FBXL17: variants seen among roughly 807,000 people sequenced by gnomAD.
FBXL17 encodes the protein F-box/LRR-repeat protein 17.
Under a neutral mutation model 66.2 loss-of-function variants are expected in FBXL17, and 22 were observed. The observed-to-expected ratio is 0.33, with a 90% CI of 0.24 to 0.47. FBXL17 has a LOEUF of 0.47. Ranked by LOEUF, FBXL17 falls within the 20% of genes least tolerant of loss-of-function variation. The pLI, the probability that FBXL17 is intolerant of heterozygous loss-of-function variation, is 1.00. For missense variants in FBXL17, 878 were observed against 948.2 expected, an observed-to-expected ratio of 0.93 and a Z score of 0.97; for synonymous variants, 474 against 400.5, an observed-to-expected ratio of 1.18 and a Z score of -2.19.
intron 6 of FBXL17, among the ~76,000 whole-genome samples, chr5:108,026,100 A>G (rs1754812110): frequency 1.3e-5 from 2 of 152,214 alleles, no homozygotes; most frequent in African/African-American, 4.8e-5. Context: ...CTTTTACAAG[A>G]TGAGTCAATT....
intron 7 of FBXL17, among the ~76,000 whole-genome samples, chr5:107,970,290 A>G (rs1391195780): frequency 6.6e-6 from 1 of 152,170 alleles, no homozygotes; most frequent in Non-Finnish European, 1.5e-5. Flanking sequence ...CTTAGGTAAT[A>G]TAACTGAGAG....
intron 4 of FBXL17, among the ~76,000 whole-genome samples, chr5:108,268,778 T>C (rs776129995): frequency 6.6e-6 from 1 of 152,108 alleles, no homozygotes; most frequent in Non-Finnish European, 1.5e-5. Flanking sequence ...CCTTGGAATG[T>C]ATTCTTCAGG....
chr5:108,140,990 A>C (rs770752869), intron 6 of FBXL17, among the ~76,000 whole-genome samples: 8 of 152,020 alleles, frequency 5.3e-5, no homozygotes, highest in Admixed American at 1.3e-4. Flanking sequence ...TAACTTTCTT[A>C]CATCTTGATA....
chr5:108,186,644 C>T (rs1295482135), intron 5 of FBXL17, among the ~76,000 whole-genome samples: 1 of 151,894 alleles, frequency 6.6e-6, no homozygotes, highest in Non-Finnish European at 1.5e-5. Flanking sequence ...GTGGTGCATC[C>T]CTGTAATCCC....
intron 6 of FBXL17, among the ~76,000 whole-genome samples, chr5:108,156,578 AT>A (rs1359826468): frequency 6.6e-6 from 1 of 151,966 alleles, no homozygotes; most frequent in Non-Finnish European, 1.5e-5. Context: ...TTAGCATCCT[AT>A]TAGGAATCAA....
chr5:107,911,382 C>T (rs1399983337), intron 7 of FBXL17, among the ~76,000 whole-genome samples: 1 of 152,062 alleles, frequency 6.6e-6, no homozygotes. Context: ...GGACTAAAGA[C>T]TTAAACCTTA....
At chr5:108,024,302 T>TA (rs1754711722) in intron 6 of FBXL17, among the ~76,000 whole-genome samples, 1 of 152,156 alleles carries the variant, frequency 6.6e-6, no homozygotes, top group African/African-American at 2.4e-5. Flanking sequence ...ACTTTTAAAG[T>TA]AGCTCATGAA....
intron 6 of FBXL17, among the ~76,000 whole-genome samples, chr5:108,089,638 T>C (rs1032917787): frequency 6.6e-6 from 1 of 152,182 alleles, no homozygotes; most frequent in African/African-American, 2.4e-5. Context: ...AACCTCCTTC[T>C]TCCCCATAGA....
At chr5:108,258,138 A>C (rs1454590667) in intron 4 of FBXL17, among the ~76,000 whole-genome samples, 1 of 152,148 alleles carries the variant, frequency 6.6e-6, no homozygotes, top group African/African-American at 2.4e-5. Flanking sequence ...GGGTCTTTGG[A>C]ATGTAATTAA....
intron 7 of FBXL17, among the ~76,000 whole-genome samples, chr5:108,018,844 A>C (rs994128659): frequency 6.6e-6 from 1 of 152,182 alleles, no homozygotes; most frequent in African/African-American, 2.4e-5. Flanking sequence ...CAAGTTTTAC[A>C]AAATGACTGG....
intron 6 of FBXL17, among the ~76,000 whole-genome samples, chr5:108,069,523 T>G (rs1237082246): frequency 6.6e-6 from 1 of 152,150 alleles, no homozygotes; most frequent in African/African-American, 2.4e-5. Flanking sequence ...AGGCCAACAG[T>G]AGGCATAAAT....
intron 7 of FBXL17, among the ~76,000 whole-genome samples, chr5:108,003,730 A>G (rs1753823346): frequency 6.6e-6 from 1 of 152,166 alleles, no homozygotes; most frequent in Non-Finnish European, 1.5e-5. Flanking sequence ...TACAGAGAAA[A>G]TTGGACAGGG....
intron 6 of FBXL17, among the ~76,000 whole-genome samples, chr5:108,136,272 T>C (rs1216968015): frequency 3.9e-5 from 6 of 152,250 alleles, no homozygotes; most frequent in African/African-American, 1.4e-4. Context: ...CTTGAATCAC[T>C]CATTTATCCT....
At chr5:108,293,269 T>C (rs1361016639) in intron 4 of FBXL17, among the ~76,000 whole-genome samples, 7 of 152,140 alleles carry the variant, frequency 4.6e-5, no homozygotes. Flanking sequence ...GTAATACTAA[T>C]AAGTTATTTT....
intron 4 of FBXL17, among the ~76,000 whole-genome samples, chr5:108,271,784 C>A (rs1476926907): frequency 6.6e-6 from 1 of 152,106 alleles, no homozygotes; most frequent in Admixed American, 6.5e-5. Context: ...AGTGATAGAA[C>A]TAGGGAGGAA....
chr5:108,150,761 T>A (rs1411886284), intron 6 of FBXL17, among the ~76,000 whole-genome samples: 1 of 152,208 alleles, frequency 6.6e-6, no homozygotes, highest in South Asian at 2.1e-4. Flanking sequence ...GATCACAGGA[T>A]CACATATGAA....
At chr5:108,266,469 G>C (rs1446064836) in intron 4 of FBXL17, among the ~76,000 whole-genome samples, 1 of 152,072 alleles carries the variant, frequency 6.6e-6, no homozygotes, top group Non-Finnish European at 1.5e-5. Context: ...GTCACTCAGT[G>C]GCTGGCTCAG....
chr5:108,219,787 G>T (rs964491116), intron 5 of FBXL17, among the ~76,000 whole-genome samples: 1 of 151,892 alleles, frequency 6.6e-6, no homozygotes, highest in Non-Finnish European at 1.5e-5. Flanking sequence ...CTATAACATT[G>T]GCAAGTTTTT....
chr5:108,164,870 G>A (rs1048524891), intron 6 of FBXL17, among the ~76,000 whole-genome samples: 1 of 152,118 alleles, frequency 6.6e-6, no homozygotes, highest in Non-Finnish European at 1.5e-5. Flanking sequence ...ACAGTATTCT[G>A]CCCCTTAGTG....
Sources: gnomAD v4.1 joint callset for allele counts (sites outside exome capture counted in the v4.1 genomes callset) on GRCh38, gnomAD v4.1.1 for gene constraint, MANE v1.5 for transcripts, NCBI Gene and HGNC (gene_info 2026-07-23, HGNC 2026-07-21) for gene names.